DLG2: variants seen among roughly 807,000 people sequenced by gnomAD.
DLG2 encodes discs large MAGUK scaffold protein 2.
In DLG2, 45 loss-of-function variants were observed where a neutral mutation model predicts 132.5. The ratio of observed to expected loss-of-function variants is 0.34; its 90% CI spans 0.27 to 0.44. DLG2 has a LOEUF of 0.44. Ranked by LOEUF, DLG2 falls within the 20% of genes least tolerant of loss-of-function variation. The pLI, the probability that DLG2 is intolerant of heterozygous loss-of-function variation, is 1.00. For missense variants in DLG2, 1,045 were observed against 1,196.9 expected, an observed-to-expected ratio of 0.87 and a Z score of 1.87; for synonymous variants, 424 against 419.6, an observed-to-expected ratio of 1.01 and a Z score of -0.13.
At chr11:85,221,659 C>T (rs755414875) in intron 4 of DLG2, among the ~76,000 whole-genome samples, 39 of 152,128 alleles carry the variant, frequency 2.6e-4, no homozygotes, top group African/African-American at 4.3e-4. Context: ...AAAGCACATG[C>T]GTGTCTTATT....
At chr11:84,173,958 A>G (rs923734605) in intron 8 of DLG2, among the ~76,000 whole-genome samples, 8 of 142,392 alleles carry the variant, frequency 5.6e-5, no homozygotes, top group Non-Finnish European at 1.1e-4. Flanking sequence ...ACATTTGCCA[A>G]GCTCTGTCCT....
At chr11:85,534,274 C>CAAATT (rs759547154) in intron 3 of DLG2, among the ~76,000 whole-genome samples, 1 of 151,954 alleles carries the variant, frequency 6.6e-6, no homozygotes. Flanking sequence ...GAAAGCAATT[C>CAAATT]AAATTAAATT....
At chr11:84,445,238 T>C (rs1005505851) in intron 7 of DLG2, among the ~76,000 whole-genome samples, 2 of 152,238 alleles carry the variant, frequency 1.3e-5, no homozygotes, top group African/African-American at 4.8e-5. Context: ...TTAACTTCTT[T>C]ATTTTTAGAA....
chr11:83,848,626 G>C (rs1311101659), intron 16 of DLG2, among the ~76,000 whole-genome samples: 1 of 152,128 alleles, frequency 6.6e-6, no homozygotes, highest in African/African-American at 2.4e-5. Flanking sequence ...CGTCATCTTA[G>C]TATTGTTGCC....
intron 8 of DLG2, among the ~76,000 whole-genome samples, chr11:84,166,213 C>G (rs1596462762): frequency 6.6e-6 from 1 of 151,710 alleles, no homozygotes; most frequent in Non-Finnish European, 1.5e-5. Context: ...ACTAAGAATA[C>G]CCCCCCAGGG....
intron 8 of DLG2, among the ~76,000 whole-genome samples, chr11:84,207,073 C>CTATA (rs1479479123): frequency 9.7e-6 from 1 of 102,918 alleles, no homozygotes; most frequent in African/African-American, 3.1e-5. Context: ...CTCTCTCTCT[C>CTATA]TCTCTCTCTA....
chr11:83,567,254 G>A (rs976186242), intron 19 of DLG2, among the ~76,000 whole-genome samples: 2 of 152,134 alleles, frequency 1.3e-5, no homozygotes, highest in African/African-American at 4.8e-5. Context: ...TCTTGACTTA[G>A]CCAAGTCATG....
At chr11:85,496,535 C>T (rs2093672307) in intron 3 of DLG2, among the ~76,000 whole-genome samples, 1 of 152,172 alleles carries the variant, frequency 6.6e-6, no homozygotes, top group Non-Finnish European at 1.5e-5. Context: ...CATACTTAAA[C>T]GTCCCTGCTG....
At chr11:84,023,303 G>A (rs1231754081) in intron 11 of DLG2, among the ~76,000 whole-genome samples, 2 of 152,064 alleles carry the variant, frequency 1.3e-5, no homozygotes, top group African/African-American at 2.4e-5. Flanking sequence ...ATCAAAAGTC[G>A]AAGTCATGCT....
chr11:84,688,500 G>A (rs549280259), intron 6 of DLG2, among the ~76,000 whole-genome samples: 32 of 152,226 alleles, frequency 2.1e-4, no homozygotes, highest in African/African-American at 7.7e-4. Context: ...GATTTACATA[G>A]GTATTGAGCC....
At chr11:84,589,694 C>T (rs2099538408) in intron 6 of DLG2, among the ~76,000 whole-genome samples, 2 of 152,246 alleles carry the variant, frequency 1.3e-5, no homozygotes, top group East Asian at 1.9e-4. Context: ...TATATATTTA[C>T]CTGTCCCTCT....
chr11:85,438,257 C>T (rs1010622971), intron 3 of DLG2, among the ~76,000 whole-genome samples: 5 of 152,098 alleles, frequency 3.3e-5, no homozygotes, highest in African/African-American at 9.7e-5. Context: ...CACCTCCCAA[C>T]GGACTCCACC....
At chr11:84,828,960 T>C (rs2078677652) in intron 6 of DLG2, among the ~76,000 whole-genome samples, 1 of 151,670 alleles carries the variant, frequency 6.6e-6, no homozygotes. Context: ...TGTAGTCCAT[T>C]AGACAGACCA....
At chr11:85,156,347 G>T (rs2077586074) in intron 4 of DLG2, among the ~76,000 whole-genome samples, 1 of 152,040 alleles carries the variant, frequency 6.6e-6, no homozygotes, top group Non-Finnish European at 1.5e-5. Flanking sequence ...CTGTTTTTCA[G>T]TCTCTAGAAT....
chr11:85,561,399 TTAAC>T (rs1482990951), intron 3 of DLG2, among the ~76,000 whole-genome samples: 1 of 147,926 alleles, frequency 6.8e-6, no homozygotes, highest in Non-Finnish European at 1.5e-5. Context: ...TTTCTTTACT[TTAAC>T]TGAGAGTAAA....
intron 7 of DLG2, among the ~76,000 whole-genome samples, chr11:84,416,427 C>T (rs1251514652): frequency 1.3e-5 from 2 of 152,106 alleles, no homozygotes; most frequent in Non-Finnish European, 2.9e-5. Context: ...CTGTCTTCTT[C>T]AAGCACAGTA....
chr11:84,931,518 A>G (rs1438005612), intron 6 of DLG2, among the ~76,000 whole-genome samples: 2 of 152,214 alleles, frequency 1.3e-5, no homozygotes, highest in African/African-American at 4.8e-5. Flanking sequence ...TTATGGACGC[A>G]TAGTATTTCA....
At chr11:84,190,824 T>C (rs150699746) in intron 8 of DLG2, among the ~76,000 whole-genome samples, 1 of 152,112 alleles carries the variant, frequency 6.6e-6, no homozygotes, top group African/African-American at 2.4e-5. Context: ...CCTTGTCAAT[T>C]GGTAAGTTTC....
chr11:84,782,777 T>C (rs929103981), intron 6 of DLG2, among the ~76,000 whole-genome samples: 2 of 152,176 alleles, frequency 1.3e-5, no homozygotes, highest in African/African-American at 4.8e-5. Context: ...AATTTTATAA[T>C]ATATGAATAC....
Sources: gnomAD v4.1 joint callset for allele counts (sites outside exome capture counted in the v4.1 genomes callset) on GRCh38, gnomAD v4.1.1 for gene constraint, MANE v1.5 for transcripts, NCBI Gene and HGNC (gene_info 2026-07-23, HGNC 2026-07-21) for gene names.